The following CPS1 variants were observed in gnomAD, a reference collection of about 807,000 sequenced individuals.
The protein encoded by CPS1 is carbamoyl-phosphate synthase 1.
In CPS1, 109 loss-of-function variants were observed where a neutral mutation model predicts 174.6. The ratio of observed to expected loss-of-function variants is 0.62; its 90% CI spans 0.53 to 0.73. The LOEUF (loss-of-function observed/expected upper bound fraction) is 0.73. Ranked by LOEUF, CPS1 falls within the 30% of genes least tolerant of loss-of-function variation. The pLI is 0.00. For synonymous variants in CPS1, 637 were observed against 632.0 expected, an observed-to-expected ratio of 1.01 and a Z score of -0.12; for missense variants, 1,689 against 1,821.9, an observed-to-expected ratio of 0.93 and a Z score of 1.33.
chr2:210,497,918 A>ATATATATATATATATATATATC (rs970136471), intron 1 of CPS1, among the ~76,000 whole-genome samples: 2 of 142,200 alleles, frequency 1.4e-5, no homozygotes, highest in Non-Finnish European at 3.0e-5. Flanking sequence ...ATATATATAT[A>ATATATATATATATATATATATC]TCTCCAGTAA....
chr2:210,677,754 T>TA (rs1192195062), intron 37 of CPS1, 133 bp from the exon 38 acceptor site: 36 of 793,048 alleles, frequency 4.5e-5, no homozygotes, highest in Middle Eastern at 2.4e-4. Flanking sequence ...CTCCATTACA[T>TA]AAAAAACTTT....
chr2:210,588,503 T>A (rs1403375655), intron 7 of CPS1, among the ~76,000 whole-genome samples: 1 of 152,112 alleles, frequency 6.6e-6, no homozygotes, highest in Non-Finnish European at 1.5e-5. Context: ...CCTTTGGGCT[T>A]ACATTTATTT....
At chr2:210,676,062 G>T (rs769396577) in intron 36 of CPS1, among the ~76,000 whole-genome samples, 1 of 152,198 alleles carries the variant, frequency 6.6e-6, no homozygotes, top group Non-Finnish European at 1.5e-5. Flanking sequence ...TCTTAGTAAG[G>T]ATACTTTCCT....
intron 1 of CPS1, among the ~76,000 whole-genome samples, chr2:210,534,845 C>G (rs1220305944): frequency 6.6e-6 from 1 of 152,160 alleles, no homozygotes; most frequent in Non-Finnish European, 1.5e-5. Flanking sequence ...ATCTAAGTTA[C>G]TGGGTGGCTT....
intron 21 of CPS1, among the ~76,000 whole-genome samples, chr2:210,622,305 G>T (rs142464445): frequency 1.3e-5 from 2 of 151,636 alleles, no homozygotes; most frequent in African/African-American, 4.8e-5. Flanking sequence ...ACATATATGT[G>T]TATGCTTATA....
At chr2:210,606,494 G>A (rs144692530) in intron 17 of CPS1, among the ~76,000 whole-genome samples, 394 of 151,972 alleles carry the variant, frequency 2.6e-3, no homozygotes, top group Non-Finnish European at 4.2e-3. Flanking sequence ...GACGATTGAA[G>A]CCTTGATAGC....
At chr2:210,626,427 T>C (rs1240534441) in intron 21 of CPS1, among the ~76,000 whole-genome samples, 1 of 152,168 alleles carries the variant, frequency 6.6e-6, no homozygotes, top group East Asian at 1.9e-4. Flanking sequence ...CACAAAATTA[T>C]TAATTAGAAA....
chr2:210,677,107 A>C lies in CPS1; in HGVS notation c.4375A>C (p.Ser1459Arg). The change falls in exon 37 of 38, where the codon AGT becomes CGT. Residue 1459 changes from serine to arginine, a missense_variant. Ser to Arg is a moderately radical substitution (Grantham distance 110). Coordinates refer to ENST00000233072, the MANE Select transcript of CPS1 (RefSeq NM_001875.5). The part of the protein sequence containing the change: ...NYVIRRTAVD[S>R]GIPLLTNFQV... Reference sequence around the variant, plus strand: ...TGTGATTCGGAGGACAGCTGTTGATAGTGGAATCCCTCTCCTCACTAATTT... The same window carrying C: ...TGTGATTCGGAGGACAGCTGTTGATCGTGGAATCCCTCTCCTCACTAATTT... 1.2e-6 allele frequency: 2 copies of C among 1,613,834 alleles called. No individual in the cohort carries two copies. The highest frequency in any genetic ancestry group is 1.7e-6 in the Non-Finnish European group (2 of 1,179,746).
intron 20 of CPS1, among the ~76,000 whole-genome samples, chr2:210,613,754 G>T (rs950135975): frequency 7.2e-5 from 11 of 151,940 alleles, no homozygotes; most frequent in African/African-American, 2.4e-4. Context: ...ACTTATAAAA[G>T]ATGAGAATCT....
chr2:210,605,699 G>C lies in CPS1; in HGVS notation c.1981+453G>C, dbSNP rs535661748. ...GATTTAAAAGTGCTAAATTTGGGGT[G>C]TGAGCAGAGCTGTCAAAAAAGGGAG... On this transcript the variant is annotated intron_variant, in intron 17 of 37. Transcript: ENST00000233072. 3.9e-5 allele frequency among the ~76,000 whole-genome samples: 6 copies of C among 152,046 alleles called. No individual in the cohort carries two copies. The South Asian group carries it at 1.2e-3, about 32-fold the overall frequency.
chr2:210,484,523 CTTGAG>C (rs1186681849), intron 1 of CPS1, among the ~76,000 whole-genome samples: 3 of 152,102 alleles, frequency 2.0e-5, no homozygotes, highest in African/African-American at 7.2e-5. Context: ...GGTTTTAAAA[CTTGAG>C]ACATTTACAT....
intron 1 of CPS1, among the ~76,000 whole-genome samples, chr2:210,485,124 G>T (rs928556658): frequency 6.6e-6 from 1 of 151,878 alleles, no homozygotes; most frequent in Non-Finnish European, 1.5e-5. Context: ...CCAACTACTC[G>T]GGAGGCTGAG....
At chr2:210,639,962 T>C in intron 23 of CPS1, 34 bp from the exon 24 acceptor site, 1 of 1,469,066 alleles carries the variant, frequency 6.8e-7, no homozygotes, top group South Asian at 1.1e-5. Context: ...TAACACTTAA[T>C]GATTTCTGCA....
intron 1 of CPS1, among the ~76,000 whole-genome samples, chr2:210,559,073 C>A (rs1413281844): frequency 6.6e-6 from 1 of 152,090 alleles, no homozygotes; most frequent in Non-Finnish European, 1.5e-5. Context: ...CCTCTATCTA[C>A]TTTTCTTCCT....
intron 1 of CPS1, among the ~76,000 whole-genome samples, chr2:210,506,951 C>G (rs2105969439): frequency 6.6e-6 from 1 of 152,336 alleles, no homozygotes; most frequent in East Asian, 1.9e-4. Flanking sequence ...GGAAAACACT[C>G]TGCAGGATAT....
At chr2:210,568,313 G>A (rs984958494) in intron 1 of CPS1, among the ~76,000 whole-genome samples, 1 of 152,170 alleles carries the variant, frequency 6.6e-6, no homozygotes, top group Non-Finnish European at 1.5e-5. Flanking sequence ...TCCATATAGA[G>A]AGCGAGCCAG....
chr2:210,667,990 T>G (rs1574665701), intron 33 of CPS1, among the ~76,000 whole-genome samples, 196 bp from the exon 34 acceptor site: 1 of 152,148 alleles, frequency 6.6e-6, no homozygotes, highest in East Asian at 1.9e-4. Context: ...TTTTAATCCC[T>G]GGATTCAGAT....
chr2:210,622,889 G>A (rs1559112375), intron 21 of CPS1, among the ~76,000 whole-genome samples: 3 of 150,778 alleles, frequency 2.0e-5, no homozygotes, highest in African/African-American at 7.3e-5. Context: ...TCCTTATTTT[G>A]TTTTTTTGGT....
intron 1 of CPS1, among the ~76,000 whole-genome samples, chr2:210,478,470 AT>A (rs1241609849): frequency 2.0e-5 from 3 of 151,994 alleles, no homozygotes; most frequent in African/African-American, 7.2e-5. Context: ...TTTCCTGTTG[AT>A]TTGAAAGAGT....
Sources: allele counts gnomAD v4.1 joint callset (sites outside exome capture counted in the v4.1 genomes callset), GRCh38; gene constraint gnomAD v4.1.1; transcripts MANE v1.5; gene names NCBI Gene and HGNC (gene_info 2026-07-23, HGNC 2026-07-21).